The following SERPINA6 variants were observed in gnomAD, a reference collection of about 807,000 sequenced individuals.
SERPINA6 encodes serpin family A member 6.
In SERPINA6, 19 loss-of-function variants were observed where a neutral mutation model predicts 26.4. The ratio of observed to expected loss-of-function variants is 0.72; its 90% CI spans 0.50 to 1.06. The LOEUF (loss-of-function observed/expected upper bound fraction) is 1.06, where lower values mean the gene tolerates loss of function less well. SERPINA6 is among the 50% of genes least tolerant of loss of function. SERPINA6 has a pLI of 0.00. For missense variants in SERPINA6, 473 were observed against 504.0 expected, an observed-to-expected ratio of 0.94 and a Z score of 0.59; for synonymous variants, 196 against 199.4, an observed-to-expected ratio of 0.98 and a Z score of 0.14.
chr14:94,312,486 A>G (rs745765113), intron 2 of SERPINA6, among the ~76,000 whole-genome samples: 3 of 152,244 alleles, frequency 2.0e-5, no homozygotes, highest in Non-Finnish European at 4.4e-5. Flanking sequence ...AATCTCCCAA[A>G]GAGACAAAGA....
chr14:94,306,808 A>T (rs113134724), intron 3 of SERPINA6, among the ~76,000 whole-genome samples: 3 of 152,328 alleles, frequency 2.0e-5, no homozygotes, highest in African/African-American at 7.2e-5. Context: ...GTTTCTAGAA[A>T]GGTAAGTGGG....
At chr14:94,322,037 T>C (rs1008948745) in intron 1 of SERPINA6, among the ~76,000 whole-genome samples, 1 of 152,186 alleles carries the variant, frequency 6.6e-6, no homozygotes, top group Non-Finnish European at 1.5e-5. Flanking sequence ...TTATGTGACC[T>C]CACTTAATGG....
Position 94,314,541 on chromosome 14 carries a change from G to T in SERPINA6, c.108C>A (p.His36Gln), listed in dbSNP as rs143058829. Residue 36 changes from histidine (H) to glutamine (Q), a missense_variant, in exon 2 of 5, where the codon CAC becomes CAA. Coordinates refer to ENST00000341584, the MANE Select transcript of SERPINA6 (RefSeq NM_001756.4). ...CAACGTTGGCTGAAGCCAGGCCCCGGTGATGGTTACTCATGTTCACATAAG... is the reference window on the plus strand; with the variant it reads ...CAACGTTGGCTGAAGCCAGGCCCCGTTGATGGTTACTCATGTTCACATAAG... ...NAAYVNMSNH[H>Q]RGLASANVDF... The T allele has an allele frequency of 5.0e-6, 8 of 1,614,114 alleles. No individual in the cohort carries two copies. In the African/African-American group the frequency reaches 1.1e-4, roughly 22 times the overall value.
chr14:94,322,637 G>A (rs1428927020), intron 1 of SERPINA6, among the ~76,000 whole-genome samples: 3 of 152,240 alleles, frequency 2.0e-5, no homozygotes, highest in Non-Finnish European at 4.4e-5. Flanking sequence ...GACTCACTTA[G>A]TAAATATTCA....
chr14:94,315,889 A>G (rs1486789553), intron 1 of SERPINA6, among the ~76,000 whole-genome samples: 1 of 151,474 alleles, frequency 6.6e-6, no homozygotes, highest in African/African-American at 2.4e-5. Flanking sequence ...TAATAATTCT[A>G]TTCTCATCCC....
At chr14:94,320,188 G>C (rs1429925696) in intron 1 of SERPINA6, among the ~76,000 whole-genome samples, 3 of 152,166 alleles carry the variant, frequency 2.0e-5, no homozygotes, top group Admixed American at 2.0e-4. Flanking sequence ...CAGCCATTCT[G>C]GGTGAGGGGC....
chr14:94,307,541 C>T (rs1018273793), intron 3 of SERPINA6, among the ~76,000 whole-genome samples: 4 of 152,212 alleles, frequency 2.6e-5, no homozygotes, highest in African/African-American at 9.7e-5. Flanking sequence ...TCCTTCCCGT[C>T]ATTTTCAGTG....
Position 94,314,365 on chromosome 14 carries a change from A to G in SERPINA6, c.284T>C (p.Phe95Ser). ...TRAQLLQGLG[F>S]NLTERSETEI... ...AGTCTCAGACCTCTCAGTGAGGTTG[A>G]AACCCAGGCCCTGGAGAAGCTGGGC... Residue 95 changes from phenylalanine (F) to serine (S), a missense_variant, in exon 2 of 5, where the codon TTC (phenylalanine) becomes TCC (serine). By Grantham distance (155) the Phe-to-Ser change is radical (BLOSUM62 -2). Coordinates refer to ENST00000341584, the MANE Select transcript of SERPINA6 (RefSeq NM_001756.4). 6.2e-7 allele frequency: 1 copy of G among 1,614,180 alleles called. No homozygotes were observed. Among genetic ancestry groups the G allele is most frequent in the Non-Finnish European group, 8.5e-7 (1 of 1,180,022 alleles).
chr14:94,306,977 G>A (rs1895450117), intron 3 of SERPINA6, among the ~76,000 whole-genome samples: 1 of 152,200 alleles, frequency 6.6e-6, no homozygotes, highest in African/African-American at 2.4e-5. Context: ...TCTCTTGGCA[G>A]ATGGGAGGGA....
chr14:94,306,637 G>C (rs1484966355), intron 3 of SERPINA6, among the ~76,000 whole-genome samples: 1 of 152,210 alleles, frequency 6.6e-6, no homozygotes, highest in Non-Finnish European at 1.5e-5. Context: ...CACTAATGCT[G>C]TGTGGCCTTT....
At chr14:94,307,642 A>G (rs1406991321) in intron 3 of SERPINA6, among the ~76,000 whole-genome samples, 1 of 152,210 alleles carries the variant, frequency 6.6e-6, no homozygotes, top group African/African-American at 2.4e-5. Context: ...TTTGGTGGGT[A>G]GAAAGGAGGA....
At position 94,307,400 on chromosome 14, in the gene SERPINA6, G is replaced by A. The variant is rs964767555; in HGVS notation, c.885-1182C>T. On this transcript the variant is annotated intron_variant, in intron 3 of 4. Coordinates refer to ENST00000341584, the MANE Select transcript of SERPINA6 (RefSeq NM_001756.4). ...GCCAGGACTAGTTTTGCCATCTGCC[G>A]CCTGCTGCGTTGTTGACAGCTCTCT... 1.5e-4 allele frequency among the ~76,000 whole-genome samples: 23 copies of A among 152,334 alleles called. 1 individual carries two copies. Among genetic ancestry groups the A allele is most frequent in the African/African-American group, 5.3e-4 (22 of 41,574 alleles).
intron 3 of SERPINA6, among the ~76,000 whole-genome samples, chr14:94,309,496 G>A (rs1380669597): frequency 6.6e-6 from 1 of 152,208 alleles, no homozygotes; most frequent in Non-Finnish European, 1.5e-5. Context: ...CACAGGGAAA[G>A]GGAACCTCAC....
intron 4 of SERPINA6, among the ~76,000 whole-genome samples, chr14:94,305,865 C>T (rs1342825060): frequency 1.3e-5 from 2 of 152,104 alleles, no homozygotes; most frequent in African/African-American, 4.8e-5. Context: ...GTGTCGACAG[C>T]TTCCTGTGTG....
chr14:94,310,924 G>T (rs1354712056), intron 2 of SERPINA6, among the ~76,000 whole-genome samples: 1 of 152,194 alleles, frequency 6.6e-6, no homozygotes, highest in Non-Finnish European at 1.5e-5. Flanking sequence ...CCCTTGCCAG[G>T]CCACCATTTC....
intron 1 of SERPINA6, among the ~76,000 whole-genome samples, chr14:94,322,535 A>G (rs1349346495): frequency 6.6e-6 from 1 of 151,998 alleles, no homozygotes; most frequent in African/African-American, 2.4e-5. Context: ...CAAACAAACA[A>G]AAAAGTACCC....
chr14:94,312,290 A>G (rs549750359), intron 2 of SERPINA6, among the ~76,000 whole-genome samples: 77 of 152,300 alleles, frequency 5.1e-4, no homozygotes, highest in Non-Finnish European at 7.8e-4. Context: ...GTACAGAATG[A>G]CACCAGGCCA....
chr14:94,309,030 T>C (rs1895484813), intron 3 of SERPINA6, among the ~76,000 whole-genome samples: 1 of 152,234 alleles, frequency 6.6e-6, no homozygotes, highest in Non-Finnish European at 1.5e-5. Context: ...ATTCATTCAT[T>C]GCTGACTCAC....
intron 2 of SERPINA6, among the ~76,000 whole-genome samples, chr14:94,312,505 A>G (rs1301878904): frequency 6.6e-6 from 1 of 152,262 alleles, no homozygotes; most frequent in Non-Finnish European, 1.5e-5. Context: ...GATACCCTGC[A>G]CAAGAGTGCA....
Sources: gnomAD v4.1 joint callset for allele counts (sites outside exome capture counted in the v4.1 genomes callset) on GRCh38, gnomAD v4.1.1 for gene constraint, MANE v1.5 for transcripts, NCBI Gene and HGNC (gene_info 2026-07-23, HGNC 2026-07-21) for gene names.